ETNPPL: variants seen among roughly 807,000 people sequenced by gnomAD.
ETNPPL encodes ethanolamine-phosphate phospho-lyase, also known as alanine--glyoxylate aminotransferase 2-like 1.
Under a neutral mutation model 55.5 loss-of-function variants are expected in ETNPPL, and 30 were observed. The ratio of observed to expected loss-of-function variants is 0.54; its 90% CI spans 0.40 to 0.73. The LOEUF (loss-of-function observed/expected upper bound fraction) is 0.73. Among genes scored for constraint, ETNPPL ranks in the 30% least tolerant of loss-of-function variants. The pLI, the probability that ETNPPL is intolerant of heterozygous loss-of-function variation, is 0.00. For missense variants in ETNPPL, 528 were observed against 607.9 expected, an observed-to-expected ratio of 0.87 and a Z score of 1.38; for synonymous variants, 202 against 207.2, an observed-to-expected ratio of 0.98 and a Z score of 0.21.
intron 1 of ETNPPL, 48 bp downstream of exon 1, chr4:108,762,795 C>T (rs761679040): frequency 1.2e-6 from 2 of 1,602,162 alleles, no homozygotes; most frequent in Non-Finnish European, 1.7e-6. Flanking sequence ...CTTCTGCACT[C>T]GTTATTGCCC....
At chr4:108,749,810 C>T (rs1728810487) in intron 7 of ETNPPL, among the ~76,000 whole-genome samples, 1 of 152,052 alleles carries the variant, frequency 6.6e-6, no homozygotes, top group Admixed American at 6.6e-5. Flanking sequence ...TGGGCTCAAG[C>T]CATCCTCCCA....
rs752303 is a variant in ETNPPL, at chr4:108,749,470, A to G, written c.702-7T>C. On this transcript the variant is annotated splice_polypyrimidine_tract_variant and splice_region_variant and intron_variant, in intron 7 of 12. Transcript: ENST00000296486. ...CCCTGCACCGTGTACATATCTGAAA[A>G]GCAAAGCGGCAGTCTAATGCCTTCA... The G allele has an allele frequency of 1.9e-3, 3,086 of 1,611,138 alleles. 62 individuals carry two copies. The African/African-American group carries it at 0.037, about 19-fold the overall frequency.
At chr4:108,753,179 C>T (rs1728996082) in intron 5 of ETNPPL, among the ~76,000 whole-genome samples, 168 bp from the exon 6 acceptor site, 1 of 152,130 alleles carries the variant, frequency 6.6e-6, no homozygotes, top group Non-Finnish European at 1.5e-5. Context: ...CTGTGAAGAA[C>T]TGACATCTTT....
chr4:108,753,749 T>TAAGAAAGAAAGAAGGAAAGAAAGA lies in ETNPPL; in HGVS notation c.502-739_502-738insTCTTTCTTTCCTTCTTTCTTTCTT, dbSNP rs1553934220. 8.7e-4 allele frequency among the ~76,000 whole-genome samples: 67 copies of TAAGAAAGAAAGAAGGAAAGAAAGA among 76,766 alleles called. 1 individual carries two copies. Among genetic ancestry groups the TAAGAAAGAAAGAAGGAAAGAAAGA allele is most frequent in the Non-Finnish European group, 9.4e-4 (39 of 41,596 alleles). 50.4% of individuals were successfully genotyped at this position (76,766 alleles called of 152,430 possible). On this transcript the variant is annotated intron_variant, in intron 5 of 12. Transcript: ENST00000296486. ...AAAATGAGACTCCGTCTCAAATAAA[T>TAAGAAAGAAAGAAGGAAAGAAAGA]AAGAAAGAAAGAAAGAAAGAAAGAA...
At chr4:108,748,216 C>T in intron 8 of ETNPPL, 57 bp from the exon 9 acceptor site, 1 of 1,357,856 alleles carries the variant, frequency 7.4e-7, no homozygotes, top group East Asian at 2.4e-5. Flanking sequence ...GTGGTATTCC[C>T]TCATCCATGA....
Position 108,742,535 on chromosome 4 carries a change from ATTTCTC to A in ETNPPL, c.1443_1448del (p.Lys481_Arg482del). ...GTGAATGTGTATCCGTGCACATTCCATTTCTCTTTCTGCTGGGATTTTCTTTGGAGT... is the reference window on the plus strand; with the variant it reads ...GTGAATGTGTATCCGTGCACATTCCATTTCTGCTGGGATTTTCTTTGGAGT... On this transcript the variant is annotated inframe_deletion, in exon 13 of 13. Coordinates refer to ENST00000296486, the MANE Select transcript of ETNPPL (RefSeq NM_031279.4). 1 of 1,614,058 alleles carries A rather than the reference ATTTCTC, an allele frequency of 6.2e-7. No homozygotes were observed. The highest frequency in any genetic ancestry group is 1.1e-5 in the South Asian group (1 of 91,082).
intron 1 of ETNPPL, chr4:108,762,193 C>T: frequency 2.8e-6 from 1 of 358,352 alleles, no homozygotes; most frequent in Non-Finnish European, 5.5e-6. Flanking sequence ...ATATACTCAC[C>T]TTTATATTAC....
chr4:108,751,648 CA>C (rs2125676468), intron 6 of ETNPPL, among the ~76,000 whole-genome samples: 1 of 152,284 alleles, frequency 6.6e-6, no homozygotes, highest in East Asian at 1.9e-4. Context: ...GATAAGAAAT[CA>C]AGAGAACCCA....
Position 108,742,572 on chromosome 4 carries a change from G to C in ETNPPL, c.1412C>G (p.Thr471Ser), listed in dbSNP as rs907133603. The C allele has an allele frequency of 1.9e-6, 3 of 1,613,978 alleles. No individual in the cohort carries two copies. Among genetic ancestry groups the C allele is most frequent in the African/African-American group, 2.7e-5 (2 of 74,906 alleles). ...EAHIELLRDS[T>S]TDSKENPSRK... The stretch of plus-strand genomic sequence containing the variant: ...GCTGGGATTTTCTTTGGAGTCAGTG[G>C]TGCTGTCCCTAAGCAGTTCTATGTG... Residue 471 changes from threonine (T) to serine (S), a missense_variant, in exon 13 of 13, where the codon ACC (threonine) becomes AGC (serine). Thr to Ser is a moderately conservative substitution (Grantham distance 58, BLOSUM62 1). Coordinates refer to ENST00000296486, the MANE Select transcript of ETNPPL (RefSeq NM_031279.4).
chr4:108,760,449 C>T, intron 1 of ETNPPL, 143 bp from the exon 2 acceptor site: 1 of 511,004 alleles, frequency 2.0e-6, no homozygotes. Context: ...CATTTCTTTT[C>T]ATTTCATGTA....
rs770824787 is a variant in ETNPPL at position 108,742,500 on chromosome 4, T to C, written c.1484A>G (p.Lys495Arg). The C allele has an allele frequency of 4.3e-6, 7 of 1,614,050 alleles. No individual in the cohort carries two copies. The East Asian group carries it at 1.6e-4, about 36-fold the overall frequency. Residue 495 changes from lysine (K) to arginine (R), a missense_variant, in exon 13 of 13, where the codon AAG (lysine) becomes AGG (arginine). Transcript: ENST00000296486. ...MCTDTHSLLS[K>R]RLKT ...GCAAATCAGTCATGTCTTGAGCCTCTTACTGAGCAGTGAATGTGTATCCGT... is the reference window on the plus strand; with the variant it reads ...GCAAATCAGTCATGTCTTGAGCCTCCTACTGAGCAGTGAATGTGTATCCGT...
intron 2 of ETNPPL, 117 bp downstream of exon 2, chr4:108,760,071 G>T: frequency 9.7e-7 from 1 of 1,030,014 alleles, no homozygotes; most frequent in Non-Finnish European, 1.5e-6. Context: ...AGGACTACTG[G>T]CCCACTCAGC....
rs369372190 is a variant in ETNPPL, at chr4:108,748,178, C to T, written c.928-19G>A. On this transcript the variant is annotated intron_variant, in intron 8 of 12. Transcript: ENST00000296486. The stretch of plus-strand genomic sequence containing the variant: ...CTCCATACTGTAAAAAAAAAAAAGA[C>T]AAATGAGAAAATATACCAGTTGAAT... 250 of 1,520,984 alleles carry T rather than the reference C, an allele frequency of 1.6e-4. No individual in the cohort carries two copies. Among genetic ancestry groups the T allele is most frequent in the Non-Finnish European group, 2.1e-4 (241 of 1,137,524 alleles). The allele number at this position is 1,520,984 out of a possible 1,614,324, so 94.2% of individuals were successfully genotyped here. A position where few individuals can be genotyped will look rare whatever the true frequency, so the allele number is the denominator to read the frequency against.
At chr4:108,754,240 A>C (rs1729094048) in intron 5 of ETNPPL, among the ~76,000 whole-genome samples, 1 of 151,978 alleles carries the variant, frequency 6.6e-6, no homozygotes, top group Non-Finnish European at 1.5e-5. Context: ...GGCCTCCCAA[A>C]GCCCTAGAAC....
chr4:108,753,470 G>A (rs200315412), intron 5 of ETNPPL, among the ~76,000 whole-genome samples: 13 of 152,012 alleles, frequency 8.6e-5, no homozygotes, highest in African/African-American at 3.1e-4. Flanking sequence ...GGCCAGGCGC[G>A]GTGGCTCACG....
At chr4:108,760,531 A>T (rs1729465684) in intron 1 of ETNPPL, among the ~76,000 whole-genome samples, 1 of 152,172 alleles carries the variant, frequency 6.6e-6, no homozygotes, top group Non-Finnish European at 1.5e-5. Context: ...TATATTAAAT[A>T]TGCCATGATT....
chr4:108,760,291 A>C lies in ETNPPL; in HGVS notation c.72T>G (p.Val24=). 1 of 1,600,826 alleles carries C rather than the reference A, an allele frequency of 6.2e-7. No individual in the cohort carries two copies. Among genetic ancestry groups the C allele is most frequent in the Non-Finnish European group, 8.6e-7 (1 of 1,168,660 alleles). ...RKKHIGPSCK[V]FFASDPIKIV... is the part of the protein sequence containing the mutation. ...TTTTGATGGGATCCGATGCAAAGAA[A>C]ACTTTGCATGAGGGCCTAGAAATAA... The change falls in exon 2 of 13, where the codon GTT becomes GTG. Residue 24 remains valine (V), a synonymous_variant. Coordinates refer to ENST00000296486, the MANE Select transcript of ETNPPL (RefSeq NM_031279.4).
intron 9 of ETNPPL, among the ~76,000 whole-genome samples, chr4:108,747,124 TTATATATATA>T (rs373968611): frequency 8.9e-5 from 4 of 45,016 alleles, no homozygotes; most frequent in African/African-American, 1.7e-4. Flanking sequence ...AATGTTAACA[TTATATATATA>T]TATATATATA....
intron 12 of ETNPPL, among the ~76,000 whole-genome samples, chr4:108,743,123 C>T (rs1728298812): frequency 6.6e-6 from 1 of 152,152 alleles, no homozygotes; most frequent in Admixed American, 6.5e-5. Context: ...GATGCGCAGG[C>T]GGGCTCGAGG....
Sources: allele counts gnomAD v4.1 joint callset (sites outside exome capture counted in the v4.1 genomes callset), GRCh38; gene constraint gnomAD v4.1.1; transcripts MANE v1.5; gene names NCBI Gene and HGNC (gene_info 2026-07-23, HGNC 2026-07-21).